The following INTU variants were observed in gnomAD, a reference collection of about 807,000 sequenced individuals.
INTU encodes protein inturned.
INTU carries 68 observed loss-of-function variants against 100.5 expected under a neutral mutation model. The observed-to-expected ratio is 0.68, with a 90% CI of 0.56 to 0.83. The LOEUF (loss-of-function observed/expected upper bound fraction) is 0.83. INTU is among the 40% of genes least tolerant of loss of function. INTU has a pLI of 0.00. For missense variants in INTU, 1,071 were observed against 1,114.7 expected (o/e 0.96, Z 0.56); for synonymous variants, 357 against 395.7 (o/e 0.90, Z 1.16).
At position 127,669,137 on chromosome 4, in the gene INTU, TG is replaced by T; in HGVS notation, c.1077del (p.Thr360HisfsTer10). The T allele has an allele frequency of 6.5e-7, 1 of 1,530,202 alleles. No individual in the cohort carries two copies. The highest frequency in any genetic ancestry group is 8.9e-7 in the Non-Finnish European group (1 of 1,121,394). The allele number at this position is 1,530,202 out of a possible 1,614,324, so 94.8% of individuals were successfully genotyped here. A position where few individuals can be genotyped will look rare whatever the true frequency, so the allele number is the denominator to read the frequency against. ...TCTGTGACATGCTGGAAAACGTAAC[TG>T]GGACACAAGTTACTAGGTAATAATT... ...TLCDMLENVT[G>X]TQVTSSSLLL... On this transcript the variant is annotated frameshift_variant, in exon 5 of 16. Transcript: ENST00000335251. LOFTEE classifies it high-confidence loss of function.
At chr4:127,645,597 GT>G (rs1727544702) in intron 2 of INTU, among the ~76,000 whole-genome samples, 1 of 151,588 alleles carries the variant, frequency 6.6e-6, no homozygotes, top group Admixed American at 6.6e-5. Flanking sequence ...TTTTGCTGTT[GT>G]CACTCAGGCT....
At chr4:127,696,881 AT>A (rs1553983394) in intron 8 of INTU, among the ~76,000 whole-genome samples, 1 of 152,048 alleles carries the variant, frequency 6.6e-6, no homozygotes, top group Non-Finnish European at 1.5e-5. Flanking sequence ...TTGTGATTTC[AT>A]TTTTTTAGTT....
intron 5 of INTU, among the ~76,000 whole-genome samples, chr4:127,670,435 G>A (rs898374986): frequency 7.2e-5 from 11 of 151,874 alleles, no homozygotes; most frequent in African/African-American, 1.9e-4. Flanking sequence ...CTTTAATATA[G>A]TGTATATACA....
chr4:127,704,085 C>T, intron 9 of INTU, 143 bp from the exon 10 acceptor site: 1 of 607,108 alleles, frequency 1.6e-6, no homozygotes, highest in Non-Finnish European at 2.9e-6. Context: ...TCCTAATATT[C>T]TGGTATATTG....
Position 127,633,147 on chromosome 4 carries a change from C to G in INTU, c.113C>G (p.Ser38Trp), listed in dbSNP as rs754032402. Residue 38 changes from serine (S) to tryptophan (W), a missense_variant, in exon 1 of 16, where the codon TCG becomes TGG. By Grantham distance (177) the Ser-to-Trp change is radical. Coordinates refer to ENST00000335251, the MANE Select transcript of INTU (RefSeq NM_015693.4). ...DYDFEDRVSD[S>W]GSYSSASSDY... is the part of the protein sequence containing the mutation. ...GATTTTGAAGATCGGGTCAGCGACTCGGGTTCATATTCCTCAGCGAGTAGC... is the reference window on the plus strand; with the variant it reads ...GATTTTGAAGATCGGGTCAGCGACTGGGGTTCATATTCCTCAGCGAGTAGC... 7 of 1,613,802 alleles carry G rather than the reference C, an allele frequency of 4.3e-6. No homozygotes were observed. The highest frequency in any genetic ancestry group is 2.5e-6 in the Non-Finnish European group (3 of 1,179,860).
At chr4:127,690,533 T>C (rs944502523) in intron 8 of INTU, among the ~76,000 whole-genome samples, 7 of 152,192 alleles carry the variant, frequency 4.6e-5, no homozygotes, top group African/African-American at 1.7e-4. Context: ...AGGATCTGGC[T>C]TAGATGTTTT....
At chr4:127,703,633 A>G (rs1730747331) in intron 9 of INTU, among the ~76,000 whole-genome samples, 1 of 152,196 alleles carries the variant, frequency 6.6e-6, no homozygotes, top group Admixed American at 6.5e-5. Flanking sequence ...TTTTTTTAAC[A>G]TATGTGTGAT....
chr4:127,673,105 T>C (rs1160975392), intron 5 of INTU, among the ~76,000 whole-genome samples: 1 of 152,236 alleles, frequency 6.6e-6, no homozygotes, highest in Non-Finnish European at 1.5e-5. Flanking sequence ...TACATCTTCC[T>C]TTCTTTAGCA....
At position 127,705,757 on chromosome 4, in the gene INTU, G is replaced by A. The variant is rs780063804; in HGVS notation, c.1733G>A (p.Ser578Asn). 2 of 1,614,044 alleles carry A rather than the reference G, an allele frequency of 1.2e-6. No individual in the cohort carries two copies. Among genetic ancestry groups the A allele is most frequent in the Non-Finnish European group, 1.7e-6 (2 of 1,179,946 alleles). ...CACCTCCGACCTTTGGCAGACTCAA[G>A]CACTGAAGTCTTTCCGGAACCTGAA... ...QHHLRPLADS[S>N]TEVFPEPEGR... The change falls in exon 11 of 16, where the codon AGC becomes AAC. Residue 578 changes from serine to asparagine, a missense_variant. Coordinates refer to ENST00000335251, the MANE Select transcript of INTU (RefSeq NM_015693.4).
At chr4:127,642,844 T>C (rs1412349848) in intron 1 of INTU, among the ~76,000 whole-genome samples, 1 of 152,034 alleles carries the variant, frequency 6.6e-6, no homozygotes, top group Non-Finnish European at 1.5e-5. Flanking sequence ...TTATGTAATA[T>C]GTGCTTTTTT....
chr4:127,666,381 G>A (rs1050406549), intron 4 of INTU, among the ~76,000 whole-genome samples: 1 of 152,034 alleles, frequency 6.6e-6, no homozygotes, highest in Admixed American at 6.6e-5. Context: ...TTATCTTTGG[G>A]AGTCTTGTCA....
At chr4:127,638,327 A>G (rs2126172597) in intron 1 of INTU, among the ~76,000 whole-genome samples, 1 of 152,290 alleles carries the variant, frequency 6.6e-6, no homozygotes, top group Non-Finnish European at 1.5e-5. Flanking sequence ...GCCCACTAAG[A>G]AAAAAAGAAA....
rs35147318 is a variant in INTU at position 127,663,506 on chromosome 4, C to T, written c.894C>T (p.Ile298=). The T allele has an allele frequency of 0.028, 44,760 of 1,613,396 alleles. 3,047 individuals are homozygous for T. The East Asian group carries it at 0.3, about 11-fold the overall frequency. Residue 298 remains isoleucine (I), a synonymous_variant, in exon 4 of 16, where the codon ATC becomes ATT. Coordinates refer to ENST00000335251, the MANE Select transcript of INTU (RefSeq NM_015693.4). Reference sequence around the variant, plus strand: ...TCTGGGGAGAAGAGGTTGAAGGTATCCAGCAGAGTGGCCTAAACACTCCTC... The same window carrying T: ...TCTGGGGAGAAGAGGTTGAAGGTATTCAGCAGAGTGGCCTAAACACTCCTC... ...KLLWGEEVEG[I]QQSGLNTPHI...
chr4:127,643,062 A>G (rs1727403320), intron 1 of INTU, among the ~76,000 whole-genome samples: 1 of 152,198 alleles, frequency 6.6e-6, no homozygotes, highest in South Asian at 2.1e-4. Context: ...GCCATCCTAA[A>G]TAATTTCTAT....
intron 1 of INTU, among the ~76,000 whole-genome samples, chr4:127,638,110 G>C (rs2126172396): frequency 6.6e-6 from 1 of 152,302 alleles, no homozygotes; most frequent in African/African-American, 2.4e-5. Flanking sequence ...ATCAGATATT[G>C]TTGGTAGACA....
rs34922361 is a variant in INTU at position 127,658,455 on chromosome 4, G to A, written c.768+1734G>A. Among the ~76,000 whole-genome samples the A allele has an allele frequency of 1.8e-3, 277 of 152,300 alleles. 2 individuals carry two copies. Among genetic ancestry groups the A allele is most frequent in the South Asian group, 7.5e-3 (36 of 4,828 alleles). On this transcript the variant is annotated intron_variant, in intron 3 of 15. Transcript: ENST00000335251. The stretch of plus-strand genomic sequence containing the variant: ...GGGAGGTCCAACAGAGGGTACTAGG[G>A]TACTTCAGGGTGCTCAGACAGCAGC...
At chr4:127,660,345 G>A (rs1431479447) in intron 3 of INTU, among the ~76,000 whole-genome samples, 1 of 152,210 alleles carries the variant, frequency 6.6e-6, no homozygotes, top group Non-Finnish European at 1.5e-5. Flanking sequence ...GAGCCAGTCA[G>A]ACTCGATTCC....
chr4:127,707,532 G>A (rs1010294133), intron 12 of INTU, among the ~76,000 whole-genome samples: 6 of 151,798 alleles, frequency 4.0e-5, no homozygotes, highest in African/African-American at 1.4e-4. Context: ...TATTTGCAAT[G>A]ACAACAGAGA....
At chr4:127,647,116 C>T (rs1335341120) in intron 2 of INTU, among the ~76,000 whole-genome samples, 1 of 152,140 alleles carries the variant, frequency 6.6e-6, no homozygotes, top group East Asian at 1.9e-4. Flanking sequence ...TCCATCTTTG[C>T]TTTTTAGCAT....
Sources: allele counts gnomAD v4.1 joint callset (sites outside exome capture counted in the v4.1 genomes callset), GRCh38; gene constraint gnomAD v4.1.1; transcripts MANE v1.5; gene names NCBI Gene and HGNC (gene_info 2026-07-23, HGNC 2026-07-21).